The following CAPN1 variants were observed in gnomAD, a reference collection of about 807,000 sequenced individuals.
The protein encoded by CAPN1 is calpain-1 catalytic subunit.
In CAPN1, 77 loss-of-function variants were observed where a neutral mutation model predicts 105.2. The observed-to-expected ratio is 0.73, with a 90% CI of 0.61 to 0.88. CAPN1 has a LOEUF of 0.88. CAPN1 is among the 40% of genes least tolerant of loss of function. The probability of loss-of-function intolerance (pLI) is 0.00; values close to 1 mark genes in which losing one functional copy is unlikely to be tolerated. For synonymous variants in CAPN1, 355 were observed against 388.8 expected (o/e 0.91, Z 1.02); for missense variants, 833 against 976.6 (o/e 0.85, Z 1.96).
intron 10 of CAPN1, among the ~76,000 whole-genome samples, chr11:65,198,233 TG>T (rs762181905): frequency 1.0e-3 from 154 of 151,992 alleles, no homozygotes; most frequent in Non-Finnish European, 1.9e-3. Flanking sequence ...CTCTGCCTCC[TG>T]GGCTCAAGCC....
chr11:65,194,321 C>T (rs1481597410), intron 10 of CAPN1, among the ~76,000 whole-genome samples: 2 of 152,048 alleles, frequency 1.3e-5, no homozygotes, highest in Non-Finnish European at 2.9e-5. Context: ...ATGCTTATTT[C>T]GTTAATTTAG....
chr11:65,188,417 C>A lies in CAPN1; in HGVS notation c.933C>A (p.Ser311=). Residue 311 remains serine, a synonymous_variant, in exon 9 of 22, where the codon TCC becomes TCA. Transcript: ENST00000279247. The surrounding 1 kb of genome is among the most constrained non-coding windows in gnomAD (Gnocchi z 5.5). ...GGCAGAGCCCTGCTCCTCACAGCTC[C>A]TCAGAGTGGAACAACGTGGACCCAT... is the stretch of plus-strand genomic sequence containing the variant. ...VEWTGAWSDS[S]SEWNNVDPYE... 6.2e-7 allele frequency: 1 copy of A among 1,610,792 alleles called. No homozygotes were observed. The highest frequency in any genetic ancestry group is 2.2e-5 in the East Asian group (1 of 44,752).
intron 12 of CAPN1, chr11:65,205,979 T>C (rs1948950449): frequency 3.7e-6 from 2 of 540,120 alleles, no homozygotes; most frequent in Admixed American, 3.2e-5. Flanking sequence ...CATGAGGCTT[T>C]TCCTGCCTTG....
At position 65,210,137 on chromosome 11, in the gene CAPN1, AG is replaced by A; in HGVS notation, c.1942+43del. On this transcript the variant is annotated intron_variant, in intron 19 of 21. Coordinates refer to ENST00000279247, the MANE Select transcript of CAPN1 (RefSeq NM_005186.4). The surrounding 1 kb of genome is among the most constrained non-coding windows in gnomAD (Gnocchi z 4.3). ...TGACGGCACCTGTGGGGCCCAGGAC[AG>A]GTAGCCCCACTGCTCCTATGCCCCA... 4 of 1,520,576 alleles carry A rather than the reference AG, an allele frequency of 2.6e-6. No individual in the cohort carries two copies. Among genetic ancestry groups the A allele is most frequent in the Non-Finnish European group, 3.6e-6 (4 of 1,096,726 alleles). The allele number at this position is 1,520,576 out of a possible 1,614,324, so 94.2% of individuals were successfully genotyped here.
At chr11:65,185,832 C>A in intron 4 of CAPN1, 85 bp from the exon 5 acceptor site, 2 of 1,384,666 alleles carry the variant, frequency 1.4e-6, no homozygotes, top group Non-Finnish European at 2.0e-6. Context: ...GATGTAGAAT[C>A]CTGCATCTAG....
upstream of CAPN1, chr11:65,181,769 G>A: frequency 4.1e-6 from 1 of 241,462 alleles, no homozygotes; most frequent in South Asian, 3.2e-5. This position sits in a 1 kb window ranked among gnomAD's most constrained non-coding sequence, Gnocchi z 4.6. Context: ...CGGAGGGAGG[G>A]GCGGGGAGAC....
chr11:65,198,257 G>A (rs1948819946), intron 10 of CAPN1, among the ~76,000 whole-genome samples: 1 of 151,680 alleles, frequency 6.6e-6, no homozygotes, highest in Non-Finnish European at 1.5e-5. Flanking sequence ...CCTCCCACCT[G>A]AGCTTCCCGA....
chr11:65,201,502 G>T (rs553974665), intron 10 of CAPN1, among the ~76,000 whole-genome samples: 1 of 152,176 alleles, frequency 6.6e-6, no homozygotes, highest in East Asian at 1.9e-4. Context: ...CTCCAGGGAG[G>T]TTTAATTTTC....
intron 10 of CAPN1, among the ~76,000 whole-genome samples, chr11:65,201,528 T>C (rs1311436628): frequency 6.6e-6 from 1 of 152,154 alleles, no homozygotes; most frequent in African/African-American, 2.4e-5. Context: ...TTCTTTTTTT[T>C]TGTTTTTGAG....
At chr11:65,201,160 G>GGTCTT (rs1218539936) in intron 10 of CAPN1, among the ~76,000 whole-genome samples, 1 of 151,534 alleles carries the variant, frequency 6.6e-6, no homozygotes, top group Non-Finnish European at 1.5e-5. Flanking sequence ...TAGCCAGGAT[G>GGTCTT]GTCTTGATCT....
rs926285316 is a variant in CAPN1 at position 65,188,036 on chromosome 11, G to A, written c.925G>A (p.Asp309Asn). The A allele has an allele frequency of 1.3e-5, 21 of 1,556,388 alleles. No individual in the cohort carries two copies. Among genetic ancestry groups the A allele is most frequent in the Non-Finnish European group, 1.4e-5 (16 of 1,149,730 alleles). ...GGTGGAGTGGACGGGAGCCTGGAGC[G>A]ACAGGTGAGGGGCAGTGGGCACTGT... is the stretch of plus-strand genomic sequence containing the variant. Reference protein sequence around the residue: ...GEVEWTGAWSDSSSEWNNVDP... With the variant: ...GEVEWTGAWSNSSSEWNNVDP... Residue 309 changes from aspartate (D) to asparagine (N), a missense_variant, in exon 8 of 22, where the codon GAC becomes AAC. Physicochemically the swap from Asp to Asn is conservative, Grantham distance 23. Transcript: ENST00000279247. This position sits in a 1 kb window ranked among gnomAD's most constrained non-coding sequence, Gnocchi z 5.5.
Position 65,188,385 on chromosome 11 carries a change from C to A in CAPN1, c.930-29C>A. The A allele has an allele frequency of 6.3e-7, 1 of 1,589,746 alleles. No homozygotes were observed. Among genetic ancestry groups the A allele is most frequent in the Non-Finnish European group, 8.6e-7 (1 of 1,166,062 alleles). On this transcript the variant is annotated intron_variant, in intron 8 of 21. Coordinates refer to ENST00000279247, the MANE Select transcript of CAPN1 (RefSeq NM_005186.4). The surrounding 1 kb of genome is among the most constrained non-coding windows in gnomAD (Gnocchi z 5.5). ...AGAGGCCAGGCAGGTCAGTGCCCAC[C>A]AGCCCTGGCAGAGCCCTGCTCCTCA... is the stretch of plus-strand genomic sequence containing the variant.
chr11:65,190,314 C>T (rs983255420), intron 10 of CAPN1, among the ~76,000 whole-genome samples: 4 of 152,190 alleles, frequency 2.6e-5, no homozygotes, highest in Non-Finnish European at 4.4e-5. Context: ...CTAAAACCAC[C>T]CTCTCAAAGG....
chr11:65,210,073 T>C lies in CAPN1; in HGVS notation c.1919T>C (p.Met640Thr), dbSNP rs752166957. 7 of 1,611,448 alleles carry C rather than the reference T, an allele frequency of 4.3e-6. No individual in the cohort carries two copies. In the East Asian group the frequency reaches 1.1e-4, roughly 26 times the overall value. Residue 640 changes from methionine to threonine, a missense_variant, in exon 19 of 22, where the codon ATG becomes ACG. By Grantham distance (81) the Met-to-Thr change is moderately conservative. Transcript: ENST00000279247. The surrounding 1 kb of genome is among the most constrained non-coding windows in gnomAD (Gnocchi z 4.3). ...TCGGGCAGCATGAGTGCCTACGAGA[T>C]GCGGATGGCCATTGAGTCGGCAGGT... is the stretch of plus-strand genomic sequence containing the variant. The part of the protein sequence containing the change: ...DKSGSMSAYE[M>T]RMAIESAGFK...
chr11:65,209,111 T>C lies in CAPN1; in HGVS notation c.1730-212T>C. The C allele has an allele frequency of 1.7e-6, 1 of 594,476 alleles. No homozygotes were observed. Among genetic ancestry groups the C allele is most frequent in the South Asian group, 2.0e-5 (1 of 50,520 alleles). The allele number at this position is 594,476 out of a possible 1,614,324, so 36.8% of individuals were successfully genotyped here. On this transcript the variant is annotated intron_variant, in intron 16 of 21. Coordinates refer to ENST00000279247, the MANE Select transcript of CAPN1 (RefSeq NM_005186.4). This position sits in a 1 kb window ranked among gnomAD's most constrained non-coding sequence, Gnocchi z 4.1. Reference sequence around the variant, plus strand: ...ACACTCATTTCTTTTTACTTTGGACTAATTGTGGCTGTTGGGACTTTGGCT... The same window carrying C: ...ACACTCATTTCTTTTTACTTTGGACCAATTGTGGCTGTTGGGACTTTGGCT...
At chr11:65,189,553 C>T (rs1449247109) in intron 10 of CAPN1, among the ~76,000 whole-genome samples, 1 of 152,174 alleles carries the variant, frequency 6.6e-6, no homozygotes, top group African/African-American at 2.4e-5. Flanking sequence ...TTCGACCAAG[C>T]CAGTCCGTTG....
Position 65,209,446 on chromosome 11 carries a change from G to A in CAPN1, c.1794+59G>A, listed in dbSNP as rs375523651. The A allele has an allele frequency of 1.8e-4, 247 of 1,409,350 alleles. 2 individuals carry two copies. In the South Asian group the frequency reaches 2.5e-3, roughly 14 times the overall value. The allele number at this position is 1,409,350 out of a possible 1,614,324, so 87.3% of individuals were successfully genotyped here. ...GGTTTTGGGTGGAGGTATCGGTGCT[G>A]GGAGAACTGTCCCAGGACAGCACAG... On this transcript the variant is annotated intron_variant, in intron 17 of 21. Coordinates refer to ENST00000279247, the MANE Select transcript of CAPN1 (RefSeq NM_005186.4). This position sits in a 1 kb window ranked among gnomAD's most constrained non-coding sequence, Gnocchi z 4.1.
At position 65,188,051 on chromosome 11, in the gene CAPN1, G is replaced by T. The variant is rs937689471; in HGVS notation, c.929+11G>T. 6.5e-7 allele frequency: 1 copy of T among 1,541,636 alleles called. No individual in the cohort carries two copies. ...AGCCTGGAGCGACAGGTGAGGGGCAGTGGGCACTGTCTGGAGTGCCTTGGG... is the reference window on the plus strand; with the variant it reads ...AGCCTGGAGCGACAGGTGAGGGGCATTGGGCACTGTCTGGAGTGCCTTGGG... On this transcript the variant is annotated intron_variant, in intron 8 of 21. Transcript: ENST00000279247. The surrounding 1 kb of genome is among the most constrained non-coding windows in gnomAD (Gnocchi z 5.5).
chr11:65,210,375 C>T lies in CAPN1; in HGVS notation c.1982C>T (p.Thr661Ile). ...AAGAAGCTGTACGAGCTCATCATCACCCGCTACTCGGAGCCCGACCTGGCG... is the reference window on the plus strand; with the variant it reads ...AAGAAGCTGTACGAGCTCATCATCATCCGCTACTCGGAGCCCGACCTGGCG... ...LNKKLYELIITRYSEPDLAVD... is the reference protein window; with the variant it reads ...LNKKLYELIIIRYSEPDLAVD... The change falls in exon 20 of 22, where the codon ACC becomes ATC. Residue 661 changes from threonine (T) to isoleucine (I), a missense_variant. By Grantham distance (89) the Thr-to-Ile change is moderately conservative. Transcript: ENST00000279247. This position sits in a 1 kb window ranked among gnomAD's most constrained non-coding sequence, Gnocchi z 4.3. 2 of 1,613,378 alleles carry T rather than the reference C, an allele frequency of 1.2e-6. No homozygotes were observed. Among genetic ancestry groups the T allele is most frequent in the Non-Finnish European group, 1.7e-6 (2 of 1,179,676 alleles).
Sources: allele counts gnomAD v4.1 joint callset (sites outside exome capture counted in the v4.1 genomes callset), GRCh38; gene constraint gnomAD v4.1.1; non-coding constraint Gnocchi (gnomAD v3.1); transcripts MANE v1.5; gene names NCBI Gene and HGNC (gene_info 2026-07-23, HGNC 2026-07-21).